The following WWOX variants were observed in gnomAD, a reference collection of about 807,000 sequenced individuals.
The protein encoded by WWOX is WW domain containing oxidoreductase.
A neutral mutation model predicts 46.2 loss-of-function variants in WWOX; 69 were observed. That is an observed-to-expected ratio of 1.49 (90% CI 1.23 to 1.82). WWOX has a LOEUF of 1.82. Among genes scored for constraint, WWOX ranks in the 40% most tolerant of loss-of-function variants. The pLI, the probability that WWOX is intolerant of heterozygous loss-of-function variation, is 0.00. For missense variants in WWOX, 919 were observed against 542.6 expected, an observed-to-expected ratio of 1.69 and a Z score of -6.89; for synonymous variants, 359 against 202.6, an observed-to-expected ratio of 1.77 and a Z score of -6.56.
chr16:78,997,104 C>T (rs879646829), intron 8 of WWOX, among the ~76,000 whole-genome samples: 6 of 151,898 alleles, frequency 4.0e-5, no homozygotes, highest in Non-Finnish European at 8.8e-5. Context: ...CAATCTTCTG[C>T]TCTTCAATGT....
intron 8 of WWOX, among the ~76,000 whole-genome samples, chr16:78,720,812 A>C (rs567372410): frequency 6.6e-6 from 1 of 152,116 alleles, no homozygotes; most frequent in Non-Finnish European, 1.5e-5. Flanking sequence ...TTCCTCCAAA[A>C]GTACATTAGA....
chr16:78,591,612 A>C (rs903949431), intron 8 of WWOX, among the ~76,000 whole-genome samples: 1 of 152,194 alleles, frequency 6.6e-6, no homozygotes, highest in Non-Finnish European at 1.5e-5. Flanking sequence ...GTAACCTTAG[A>C]CGAGTTGCTT....
chr16:78,658,073 C>T (rs1226319048), intron 8 of WWOX, among the ~76,000 whole-genome samples: 1 of 152,016 alleles, frequency 6.6e-6, no homozygotes, highest in African/African-American at 2.4e-5. Context: ...CTGTGAGTTA[C>T]AAGACATTAA....
intron 8 of WWOX, among the ~76,000 whole-genome samples, chr16:78,988,151 T>A (rs1236415817): frequency 6.6e-6 from 1 of 151,978 alleles, no homozygotes; most frequent in Admixed American, 6.6e-5. Context: ...GAGACCAGTC[T>A]GGCCAACATG....
At chr16:78,704,830 CAG>C (rs751512341) in intron 8 of WWOX, among the ~76,000 whole-genome samples, 108 of 152,142 alleles carry the variant, frequency 7.1e-4, no homozygotes, top group African/African-American at 2.5e-3. Flanking sequence ...TGAGCAGTTT[CAG>C]AGCATTGACA....
intron 6 of WWOX, among the ~76,000 whole-genome samples, chr16:78,397,656 AGAT>A (rs1466016122): frequency 6.6e-6 from 1 of 152,218 alleles, no homozygotes; most frequent in Non-Finnish European, 1.5e-5. Flanking sequence ...TGAGTAAAAT[AGAT>A]GATGGACAGC....
At chr16:78,936,669 A>T (rs910600754) in intron 8 of WWOX, among the ~76,000 whole-genome samples, 1 of 152,050 alleles carries the variant, frequency 6.6e-6, no homozygotes, top group African/African-American at 2.4e-5. Context: ...CTTGGTTTGG[A>T]AAGCAACGTA....
chr16:78,760,469 G>A (rs915598296), intron 8 of WWOX, among the ~76,000 whole-genome samples: 2 of 152,066 alleles, frequency 1.3e-5, no homozygotes, highest in Non-Finnish European at 2.9e-5. Flanking sequence ...CTCACAGGTG[G>A]GATTAGGACT....
chr16:78,953,326 A>G lies in WWOX; in HGVS notation c.1057-258282A>G, dbSNP rs536155284. Reference sequence around the variant, plus strand: ...GGGGGGTGGGGGGCATGTTTAACCTACTTTAGAGAACAAACTCTTTTTAAG... The same window carrying G: ...GGGGGGTGGGGGGCATGTTTAACCTGCTTTAGAGAACAAACTCTTTTTAAG... On this transcript the variant is annotated intron_variant, in intron 8 of 8. Coordinates refer to ENST00000566780, the MANE Select transcript of WWOX (RefSeq NM_016373.4). 1.7e-4 allele frequency among the ~76,000 whole-genome samples: 26 copies of G among 152,188 alleles called. 1 individual carries two copies. Among genetic ancestry groups the G allele is most frequent in the Admixed American group, 1.5e-3 (23 of 15,290 alleles).
At chr16:78,802,740 G>A (rs2050923105) in intron 8 of WWOX, among the ~76,000 whole-genome samples, 1 of 151,056 alleles carries the variant, frequency 6.6e-6, no homozygotes, top group Non-Finnish European at 1.5e-5. Context: ...ATATGGTGAA[G>A]CCCCGTCTCT....
chr16:78,984,739 G>C lies in WWOX; in HGVS notation c.1057-226869G>C, dbSNP rs142147894. ...TTGTAATACCGTTTAGTTAGAAGTG[G>C]TCAGACTTTCTTCGTCCTCTTTTCG... On this transcript the variant is annotated intron_variant, in intron 8 of 8. Coordinates refer to ENST00000566780, the MANE Select transcript of WWOX (RefSeq NM_016373.4). Among the ~76,000 whole-genome samples the C allele has an allele frequency of 8.9e-4, 135 of 152,306 alleles. No individual in the cohort carries two copies. In the Middle Eastern group the frequency reaches 0.017, roughly 19 times the overall value.
rs2046155969 is a variant in WWOX, at chr16:78,620,630, C to G, written c.1056+187878C>G. 2.6e-5 allele frequency among the ~76,000 whole-genome samples: 4 copies of G among 152,116 alleles called. No homozygotes were observed. The South Asian group carries it at 8.3e-4, about 32-fold the overall frequency. On this transcript the variant is annotated intron_variant, in intron 8 of 8. Coordinates refer to ENST00000566780, the MANE Select transcript of WWOX (RefSeq NM_016373.4). ...AAATTTGGCACATTTTAGTATTTGTCAGTGTACTTCCTGCTTCTTGATGCA... is the reference window on the plus strand; with the variant it reads ...AAATTTGGCACATTTTAGTATTTGTGAGTGTACTTCCTGCTTCTTGATGCA...
At chr16:79,117,168 G>C in intron 8 of WWOX, among the ~76,000 whole-genome samples, 1 of 152,054 alleles carries the variant, frequency 6.6e-6, no homozygotes, top group East Asian at 1.9e-4. Flanking sequence ...CATGCCACTA[G>C]GCTGGGCTAT....
At chr16:79,116,721 C>G (rs1463516861) in intron 8 of WWOX, among the ~76,000 whole-genome samples, 2 of 152,058 alleles carry the variant, frequency 1.3e-5, no homozygotes, top group Non-Finnish European at 2.9e-5. Context: ...GTGGAATAAA[C>G]TTCTTCCAAA....
chr16:78,707,938 G>T (rs920265135), intron 8 of WWOX, among the ~76,000 whole-genome samples: 1 of 152,128 alleles, frequency 6.6e-6, no homozygotes, highest in Non-Finnish European at 1.5e-5. Flanking sequence ...AAAAGCAATC[G>T]TGGTTTTTGC....
chr16:78,315,415 A>G (rs930642119), intron 5 of WWOX, among the ~76,000 whole-genome samples: 28 of 152,234 alleles, frequency 1.8e-4, no homozygotes, highest in African/African-American at 6.7e-4. Flanking sequence ...TGGGGAGGCC[A>G]AGGCCGGCGG....
At chr16:79,110,528 G>C (rs2049397293) in intron 8 of WWOX, among the ~76,000 whole-genome samples, 1 of 152,180 alleles carries the variant, frequency 6.6e-6, no homozygotes, top group Non-Finnish European at 1.5e-5. Context: ...AGTAAAGAGA[G>C]TTAATAGTTT....
intron 8 of WWOX, among the ~76,000 whole-genome samples, chr16:78,987,886 G>C (rs1386533687): frequency 6.6e-6 from 1 of 152,154 alleles, no homozygotes; most frequent in Non-Finnish European, 1.5e-5. Flanking sequence ...CTTACAACAT[G>C]ATTCCGGTGA....
In WWOX at chr16:78,775,604, C is replaced by T. The variant is rs9932474; in HGVS notation, c.1056+342852C>T. On this transcript the variant is annotated intron_variant, in intron 8 of 8. Transcript: ENST00000566780. ...ATGGTGTTTCACTCCCCCACCTCTC[C>T]CCACAACTTCACCCTGCTCCAATGA... is the stretch of plus-strand genomic sequence containing the variant. Among the ~76,000 whole-genome samples the T allele has an allele frequency of 2.5e-3, 379 of 152,252 alleles. 3 individuals are homozygous for T. Among genetic ancestry groups the T allele is most frequent in the African/African-American group, 8.9e-3 (369 of 41,552 alleles).
Sources: gnomAD v4.1 joint callset for allele counts (sites outside exome capture counted in the v4.1 genomes callset) on GRCh38, gnomAD v4.1.1 for gene constraint, MANE v1.5 for transcripts, NCBI Gene and HGNC (gene_info 2026-07-23, HGNC 2026-07-21) for gene names.